CERT1: variants seen among roughly 807,000 people sequenced by gnomAD.
CERT1 encodes the protein ceramide transporter 1.
In CERT1, 31 loss-of-function variants were observed where a neutral mutation model predicts 87.9. The observed-to-expected ratio is 0.35, with a 90% CI of 0.27 to 0.48. CERT1 has a LOEUF of 0.48. CERT1 is among the 20% of genes least tolerant of loss of function. The probability of loss-of-function intolerance (pLI) is 0.99; values close to 1 mark genes in which losing one functional copy is unlikely to be tolerated. For missense variants in CERT1, 487 were observed against 758.0 expected (o/e 0.64, Z 4.20); for synonymous variants, 289 against 250.9 (o/e 1.15, Z -1.44).
chr5:75,413,087 T>C (rs1561244879), intron 7 of CERT1, among the ~76,000 whole-genome samples: 1 of 152,204 alleles, frequency 6.6e-6, no homozygotes, highest in Non-Finnish European at 1.5e-5. Flanking sequence ...TTAAAAAATT[T>C]ATTTTTTTTA....
chr5:75,449,301 G>T (rs935770954), intron 3 of CERT1, among the ~76,000 whole-genome samples: 3 of 152,136 alleles, frequency 2.0e-5, no homozygotes, highest in Non-Finnish European at 2.9e-5. Flanking sequence ...AAAGAGAAAA[G>T]AAATAATAGG....
At chr5:75,482,426 G>C (rs1766291378) in intron 2 of CERT1, among the ~76,000 whole-genome samples, 1 of 152,210 alleles carries the variant, frequency 6.6e-6, no homozygotes, top group African/African-American at 2.4e-5. Flanking sequence ...TCTGACTCCA[G>C]GCCCCGGCCC....
chr5:75,408,674 A>T (rs551709830), intron 8 of CERT1, among the ~76,000 whole-genome samples: 1 of 152,166 alleles, frequency 6.6e-6, no homozygotes, highest in East Asian at 1.9e-4. Flanking sequence ...GCTATTTGGT[A>T]TAATGTTCAC....
chr5:75,418,763 T>C (rs752408498), intron 6 of CERT1, among the ~76,000 whole-genome samples: 13 of 152,124 alleles, frequency 8.5e-5, no homozygotes, highest in Non-Finnish European at 1.3e-4. Flanking sequence ...TTATATTAGA[T>C]TATAGAAAAT....
chr5:75,462,829 T>C (rs901295226), intron 2 of CERT1, among the ~76,000 whole-genome samples: 1 of 151,402 alleles, frequency 6.6e-6, no homozygotes, highest in African/African-American at 2.4e-5. Flanking sequence ...CCATCTCTAC[T>C]AAAAATACAA....
At chr5:75,410,925 A>G in intron 8 of CERT1, 86 bp downstream of exon 8, 2 of 642,172 alleles carry the variant, frequency 3.1e-6, no homozygotes, top group Non-Finnish European at 5.2e-6. Context: ...TAGAATATTT[A>G]AAGGTTACAA....
chr5:75,490,126 T>G (rs1004200224), intron 2 of CERT1, among the ~76,000 whole-genome samples: 5 of 152,102 alleles, frequency 3.3e-5, no homozygotes, highest in Non-Finnish European at 4.4e-5. Flanking sequence ...TGTTCTCACT[T>G]AGAAGTGGGA....
intron 3 of CERT1, among the ~76,000 whole-genome samples, chr5:75,447,679 T>A (rs1226829107): frequency 6.6e-6 from 1 of 151,880 alleles, no homozygotes; most frequent in African/African-American, 2.4e-5. Context: ...TTTCACCATG[T>A]TCGCCAGGAT....
chr5:75,487,443 G>T (rs1275769616), intron 2 of CERT1, among the ~76,000 whole-genome samples: 1 of 151,920 alleles, frequency 6.6e-6, no homozygotes, highest in Non-Finnish European at 1.5e-5. Flanking sequence ...GAAATACCAC[G>T]TATGCACAGG....
intron 17 of CERT1, chr5:75,370,584 CAT>C (rs1761043149): frequency 6.6e-6 from 1 of 151,992 alleles, no homozygotes; most frequent in South Asian, 2.1e-4. Flanking sequence ...ATGTGTAATA[CAT>C]ATGACAAAAG....
chr5:75,390,078 T>C (rs1200121116), intron 11 of CERT1, among the ~76,000 whole-genome samples: 1 of 152,174 alleles, frequency 6.6e-6, no homozygotes, highest in Non-Finnish European at 1.5e-5. Flanking sequence ...CAGTCTAATG[T>C]TCCTATATTT....
chr5:75,473,724 G>T (rs1265736536), intron 2 of CERT1, among the ~76,000 whole-genome samples: 1 of 152,014 alleles, frequency 6.6e-6, no homozygotes. Flanking sequence ...GAGAGTGGAT[G>T]CTCAGTATTC....
intron 2 of CERT1, among the ~76,000 whole-genome samples, chr5:75,466,106 C>T (rs939837091): frequency 7.2e-5 from 11 of 152,176 alleles, no homozygotes; most frequent in African/African-American, 2.7e-4. Context: ...CTTCTATATA[C>T]TGTTTTGTGC....
intron 3 of CERT1, among the ~76,000 whole-genome samples, chr5:75,445,264 T>A (rs1764490094): frequency 6.6e-6 from 1 of 152,228 alleles, no homozygotes. Flanking sequence ...TTACAATAAT[T>A]CTAATTTTTA....
intron 17 of CERT1, chr5:75,371,002 T>C (rs1447121599): frequency 2.0e-5 from 3 of 152,122 alleles, no homozygotes; most frequent in Middle Eastern, 3.4e-3. Flanking sequence ...GTAGTTTTCT[T>C]GATCCCTAAC....
intron 2 of CERT1, among the ~76,000 whole-genome samples, chr5:75,477,629 T>A (rs1580826591): frequency 4.4e-5 from 4 of 91,486 alleles, no homozygotes; most frequent in Admixed American, 2.8e-4. Context: ...TCAATGAGAG[T>A]AAAGGTCTAA....
At chr5:75,482,504 C>T (rs1580834317) in intron 2 of CERT1, among the ~76,000 whole-genome samples, 1 of 152,206 alleles carries the variant, frequency 6.6e-6, no homozygotes, top group East Asian at 1.9e-4. Context: ...CTGACTGACA[C>T]CTACTGGAGA....
intron 2 of CERT1, among the ~76,000 whole-genome samples, chr5:75,486,336 A>G (rs1766523482): frequency 6.6e-6 from 1 of 152,082 alleles, no homozygotes; most frequent in South Asian, 2.1e-4. Context: ...GGGCATAGAA[A>G]AAACATACAT....
At chr5:75,498,904 A>G (rs1440318871) in intron 2 of CERT1, among the ~76,000 whole-genome samples, 1 of 152,166 alleles carries the variant, frequency 6.6e-6, no homozygotes, top group Non-Finnish European at 1.5e-5. Context: ...TAGACACTCA[A>G]TGCTAGCCTG....
Sources: allele counts gnomAD v4.1 joint callset (sites outside exome capture counted in the v4.1 genomes callset), GRCh38; gene constraint gnomAD v4.1.1; transcripts MANE v1.5; gene names NCBI Gene and HGNC (gene_info 2026-07-23, HGNC 2026-07-21).